SNX29: variants seen among roughly 807,000 people sequenced by gnomAD.
SNX29 encodes sorting nexin 29, also known as sorting nexin-29.
SNX29 carries 78 observed loss-of-function variants against 102.1 expected under a neutral mutation model. The observed-to-expected ratio is 0.76, with a 90% CI of 0.64 to 0.92. The LOEUF (loss-of-function observed/expected upper bound fraction) is 0.92. Ranked by LOEUF, SNX29 falls within the 40% of genes least tolerant of loss-of-function variation. SNX29 has a pLI of 0.00. For missense variants in SNX29, 1,280 were observed against 1,061.7 expected (o/e 1.21, Z -2.86); for synonymous variants, 580 against 414.5 (o/e 1.40, Z -4.85).
intron 14 of SNX29, among the ~76,000 whole-genome samples, chr16:12,255,235 G>A (rs570077922): frequency 7.9e-5 from 12 of 152,072 alleles, no homozygotes; most frequent in African/African-American, 2.4e-4. Context: ...TTGGTGCGAC[G>A]CCCAGGCTGG....
At chr16:12,037,521 A>G (rs141383966) in intron 4 of SNX29, among the ~76,000 whole-genome samples, 207 of 152,272 alleles carry the variant, frequency 1.4e-3, no homozygotes, top group African/African-American at 4.9e-3. Context: ...CGAAAGTTGC[A>G]TATGCCATGG....
intron 18 of SNX29, among the ~76,000 whole-genome samples, chr16:12,468,635 A>G (rs116100047): frequency 0.011 from 1,711 of 152,138 alleles, 38 homozygotes; most frequent in African/African-American, 0.039. Flanking sequence ...GAGGTCCCCA[A>G]GGACTGAGCC....
At position 12,459,195 on chromosome 16, in the gene SNX29, T is replaced by C. The variant is rs73504264; in HGVS notation, c.2038-18524T>C. ...ATCCTCCTACCCGCCTTTTCCCCCT[T>C]AGGTTCTGCGTCTCTGTACTGTGTT... On this transcript the variant is annotated intron_variant, in intron 18 of 20. Coordinates refer to ENST00000566228, the MANE Select transcript of SNX29 (RefSeq NM_032167.5). 8.6e-3 allele frequency among the ~76,000 whole-genome samples: 1,243 copies of C among 145,136 alleles called. 20 individuals are homozygous for C. Among genetic ancestry groups the C allele is most frequent in the African/African-American group, 0.029 (1,165 of 39,676 alleles).
At chr16:12,505,431 G>A (rs547803739) in intron 19 of SNX29, among the ~76,000 whole-genome samples, 1 of 152,234 alleles carries the variant, frequency 6.6e-6, no homozygotes, top group South Asian at 2.1e-4. Flanking sequence ...GACTATAAAT[G>A]TGAGAGTTTA....
intron 1 of SNX29, among the ~76,000 whole-genome samples, chr16:11,992,912 A>G (rs2055910131): frequency 1.3e-5 from 2 of 152,156 alleles, no homozygotes; most frequent in South Asian, 4.1e-4. Context: ...CTGCAATCCC[A>G]GCACTTCAGG....
chr16:12,058,493 TGG>T (rs745665424), intron 8 of SNX29, among the ~76,000 whole-genome samples: 85,574 of 127,712 alleles, frequency 0.67, 30,364 homozygotes, highest in African/African-American at 0.78. Flanking sequence ...TTTTGGTTTT[TGG>T]TTTTTTTTTT....
At chr16:12,076,940 C>G (rs1275328685) in intron 10 of SNX29, among the ~76,000 whole-genome samples, 2 of 152,144 alleles carry the variant, frequency 1.3e-5, no homozygotes, top group Non-Finnish European at 2.9e-5. Flanking sequence ...TTGGTGTTGC[C>G]AGACCCTTCC....
chr16:12,438,070 C>G (rs2085618371), intron 18 of SNX29, among the ~76,000 whole-genome samples: 1 of 152,150 alleles, frequency 6.6e-6, no homozygotes, highest in Non-Finnish European at 1.5e-5. Flanking sequence ...TGAGAGTTTC[C>G]TGTTGACCTT....
rs1202011320 is a variant in SNX29, at chr16:12,570,900, C to T, written c.*2271C>T. On this transcript the variant is annotated 3_prime_UTR_variant, in exon 21 of 21. Coordinates refer to ENST00000566228, the MANE Select transcript of SNX29 (RefSeq NM_032167.5). ...ATAATACTGAATTATTCACAAAAAA[C>T]CTGGTCTGCTCTCCAAAATGAGAGC... 4.4e-6 allele frequency: 1 copy of T among 227,864 alleles called. No individual in the cohort carries two copies. The highest frequency in any genetic ancestry group is 8.6e-6 in the Non-Finnish European group (1 of 116,056). The allele number at this position is 227,864 out of a possible 1,614,324, so 14.1% of individuals were successfully genotyped here.
intron 4 of SNX29, among the ~76,000 whole-genome samples, chr16:12,036,634 G>C (rs2057482923): frequency 7.2e-6 from 1 of 138,236 alleles, no homozygotes. Flanking sequence ...GCGCCCAGCG[G>C]GTTTTCTGTT....
chr16:12,146,555 T>G (rs1005021280), intron 13 of SNX29, among the ~76,000 whole-genome samples: 1 of 152,222 alleles, frequency 6.6e-6, no homozygotes, highest in Non-Finnish European at 1.5e-5. Context: ...TGTGAGCCAC[T>G]GCACCCAGCC....
rs557591922 is a variant in SNX29 at position 12,055,358 on chromosome 16, C to T, written c.1124+3136C>T. On this transcript the variant is annotated intron_variant, in intron 8 of 20. Transcript: ENST00000566228. ...AAGTGATTCTTGTGTCTCAGCCTCT[C>T]GAGTAGCTGGGATTACAGGTACCTA... 3.3e-5 allele frequency among the ~76,000 whole-genome samples: 5 copies of T among 151,760 alleles called. No homozygotes were observed. In the South Asian group the frequency reaches 1.0e-3, roughly 32 times the overall value.
At chr16:12,225,712 C>T (rs2142150446) in intron 14 of SNX29, among the ~76,000 whole-genome samples, 1 of 152,308 alleles carries the variant, frequency 6.6e-6, no homozygotes, top group African/African-American at 2.4e-5. Flanking sequence ...AAAGGCCTTT[C>T]TGGCATCGCA....
rs1375633178 is a variant in SNX29 at position 12,298,996 on chromosome 16, T to A, written c.1782+20960T>A. On this transcript the variant is annotated intron_variant, in intron 15 of 20. Transcript: ENST00000566228. ...CCTCCAGAGAGGACCAATGAGTCTT[T>A]AAAAAAAAAAAAAAAAAATAGGGCT... Among the ~76,000 whole-genome samples, 8 of 139,910 alleles carry A rather than the reference T, an allele frequency of 5.7e-5. No individual in the cohort carries two copies. The East Asian group carries it at 6.2e-4, about 11-fold the overall frequency. The allele number at this position is 139,910 out of a possible 152,430, so 91.8% of individuals were successfully genotyped here. A position where few individuals can be genotyped will look rare whatever the true frequency, so the allele number is the denominator to read the frequency against.
At chr16:12,357,341 C>CAA (rs569982294) in intron 16 of SNX29, among the ~76,000 whole-genome samples, 1 of 150,400 alleles carries the variant, frequency 6.6e-6, no homozygotes, top group African/African-American at 2.4e-5. Flanking sequence ...TCTAAAAATA[C>CAA]AAAAAAAAAT....
intron 20 of SNX29, among the ~76,000 whole-genome samples, chr16:12,548,409 C>T (rs563491791): frequency 1.3e-4 from 20 of 152,328 alleles, no homozygotes; most frequent in Admixed American, 3.9e-4. Context: ...TTGTAACCTA[C>T]CTCTGGCTCC....
In SNX29 at chr16:12,138,072, G is replaced by GTGGTAGCA. The variant is rs1258604775; in HGVS notation, c.1595+8315_1595+8322dup. Among the ~76,000 whole-genome samples, 6 of 152,274 alleles carry GTGGTAGCA rather than the reference G, an allele frequency of 3.9e-5. No individual in the cohort carries two copies. In the South Asian group the frequency reaches 1.2e-3, roughly 32 times the overall value. On this transcript the variant is annotated intron_variant, in intron 13 of 20. Transcript: ENST00000566228. Reference sequence around the variant, plus strand: ...TCTGCCATGCCCATGGGAAGGGGATGTGGTAGCAAGCCTGCCAAGAATTTG... The same window carrying GTGGTAGCA: ...TCTGCCATGCCCATGGGAAGGGGATGTGGTAGCATGGTAGCAAGCCTGCCAAGAATTTG...
chr16:12,546,498 C>G (rs1021151340), intron 20 of SNX29: 8 of 152,188 alleles, frequency 5.3e-5, no homozygotes, highest in Admixed American at 3.3e-4. Flanking sequence ...ACAGGAAAGA[C>G]TCGCCCCTGT....
At chr16:12,509,018 C>A (rs1193880916) in intron 19 of SNX29, among the ~76,000 whole-genome samples, 1 of 152,182 alleles carries the variant, frequency 6.6e-6, no homozygotes, top group Non-Finnish European at 1.5e-5. Flanking sequence ...ATCCAGCACA[C>A]GTTGGCTGGT....
Sources: gnomAD v4.1 joint callset for allele counts (sites outside exome capture counted in the v4.1 genomes callset) on GRCh38, gnomAD v4.1.1 for gene constraint, MANE v1.5 for transcripts, NCBI Gene and HGNC (gene_info 2026-07-23, HGNC 2026-07-21) for gene names.